GPATCH2: variants seen among roughly 807,000 people sequenced by gnomAD.
The protein encoded by GPATCH2 is G-patch domain containing 2.
GPATCH2 carries 51 observed loss-of-function variants against 58.0 expected under a neutral mutation model. That is an observed-to-expected ratio of 0.88 (90% CI 0.70 to 1.11). The LOEUF (loss-of-function observed/expected upper bound fraction) is 1.11, where lower values mean the gene tolerates loss of function less well. Ranked by LOEUF, GPATCH2 falls within the 50% of genes most tolerant of loss-of-function variation. The pLI, the probability that GPATCH2 is intolerant of heterozygous loss-of-function variation, is 0.00. For missense variants in GPATCH2, 625 were observed against 652.2 expected (o/e 0.96, Z 0.45); for synonymous variants, 222 against 218.5 (o/e 1.02, Z -0.14).
chr1:217,602,130 T>A (rs1018829075), intron 5 of GPATCH2, among the ~76,000 whole-genome samples: 6 of 152,266 alleles, frequency 3.9e-5, no homozygotes, highest in African/African-American at 1.4e-4. Context: ...GCCCATGTAA[T>A]CTTTTAAAAA....
chr1:217,483,042 T>C (rs549938859), intron 8 of GPATCH2, among the ~76,000 whole-genome samples: 77 of 152,356 alleles, frequency 5.1e-4, no homozygotes, highest in African/African-American at 1.8e-3. Flanking sequence ...GGTGACTGAA[T>C]TGCTTTCCAC....
rs764997524 is a variant in GPATCH2 at position 217,427,441 on chromosome 1, A to AT, written c.*3703dup. 2 of 152,164 alleles carry AT rather than the reference A, an allele frequency of 1.3e-5. No individual in the cohort carries two copies. Among genetic ancestry groups the AT allele is most frequent in the East Asian group, 1.9e-4 (1 of 5,200 alleles). The allele number at this position is 152,164 out of a possible 1,614,324, so 9.4% of individuals were successfully genotyped here. A position where few individuals can be genotyped will look rare whatever the true frequency, so the allele number is the denominator to read the frequency against. ...TGTCAATGGGTACTCATTTAAACCA[A>AT]TTTTTAAAGTACTTTCAACTTTTAA... is the stretch of plus-strand genomic sequence containing the variant. On this transcript the variant is annotated 3_prime_UTR_variant, in exon 10 of 10. Transcript: ENST00000366935.
At chr1:217,436,119 A>G (rs1030046644) in intron 9 of GPATCH2, among the ~76,000 whole-genome samples, 6 of 152,060 alleles carry the variant, frequency 3.9e-5, no homozygotes, top group South Asian at 2.1e-4. Flanking sequence ...TCTTATTAAC[A>G]TATGTTTTTA....
chr1:217,469,124 T>C (rs1660607017), intron 8 of GPATCH2, among the ~76,000 whole-genome samples: 1 of 152,158 alleles, frequency 6.6e-6, no homozygotes, highest in Non-Finnish European at 1.5e-5. Flanking sequence ...CCCTGGACTG[T>C]AACTTGATTT....
intron 4 of GPATCH2, 117 bp from the exon 5 acceptor site, chr1:217,610,517 G>T: frequency 1.5e-6 from 1 of 669,102 alleles, no homozygotes. Flanking sequence ...TGAATGCCAC[G>T]AATATTATTT....
chr1:217,502,268 A>C (rs747796582), intron 6 of GPATCH2, among the ~76,000 whole-genome samples: 1 of 152,042 alleles, frequency 6.6e-6, no homozygotes, highest in Non-Finnish European at 1.5e-5. Context: ...TCTTGCTGGG[A>C]TTTTGATAAG....
At chr1:217,520,970 G>C (rs1329166213) in intron 5 of GPATCH2, among the ~76,000 whole-genome samples, 1 of 152,108 alleles carries the variant, frequency 6.6e-6, no homozygotes, top group East Asian at 1.9e-4. Flanking sequence ...TCTGCTGCTG[G>C]AGCAGCTAGG....
At position 217,431,001 on chromosome 1, in the gene GPATCH2, G is replaced by A; in HGVS notation, c.*144C>T. The A allele has an allele frequency of 1.5e-6, 1 of 649,914 alleles. No homozygotes were observed. Among genetic ancestry groups the A allele is most frequent in the Non-Finnish European group, 2.8e-6 (1 of 359,836 alleles). The allele number at this position is 649,914 out of a possible 1,614,324, so 40.3% of individuals were successfully genotyped here. On this transcript the variant is annotated 3_prime_UTR_variant, in exon 10 of 10. Transcript: ENST00000366935. Reference sequence around the variant, plus strand: ...GATGAAATCCCATTTCTCTCACTATGGCAGGACTGTATGCAGTAAGGAAGC... The same window carrying A: ...GATGAAATCCCATTTCTCTCACTATAGCAGGACTGTATGCAGTAAGGAAGC...
intron 5 of GPATCH2, among the ~76,000 whole-genome samples, chr1:217,578,640 A>G (rs1666920071): frequency 6.6e-6 from 1 of 152,190 alleles, no homozygotes; most frequent in African/African-American, 2.4e-5. Context: ...TTACCCATTT[A>G]CAAACTGTGT....
chr1:217,583,164 GA>G (rs1439673061), intron 5 of GPATCH2, among the ~76,000 whole-genome samples: 1 of 152,142 alleles, frequency 6.6e-6, no homozygotes, highest in Non-Finnish European at 1.5e-5. Context: ...CAGAACCGAA[GA>G]TATTACCTGT....
intron 5 of GPATCH2, among the ~76,000 whole-genome samples, chr1:217,545,950 C>A (rs1665022859): frequency 6.6e-6 from 1 of 152,182 alleles, no homozygotes; most frequent in Non-Finnish European, 1.5e-5. Context: ...AAGTGTTAGA[C>A]AATGGGTAGG....
At chr1:217,583,347 G>T (rs890090274) in intron 5 of GPATCH2, among the ~76,000 whole-genome samples, 11 of 151,998 alleles carry the variant, frequency 7.2e-5, no homozygotes, top group African/African-American at 2.7e-4. Context: ...TGAGGTGGGT[G>T]GATCATGAGG....
chr1:217,609,883 T>TAAA, intron 5 of GPATCH2: 1 of 952,472 alleles, frequency 1.0e-6, no homozygotes, highest in Non-Finnish European at 1.3e-6. Flanking sequence ...GGATTCAATG[T>TAAA]AAAAAAAAAA....
At chr1:217,472,195 A>G (rs1455501794) in intron 8 of GPATCH2, among the ~76,000 whole-genome samples, 3 of 152,212 alleles carry the variant, frequency 2.0e-5, no homozygotes, top group Non-Finnish European at 4.4e-5. Flanking sequence ...ACAGCAATAA[A>G]GACTAATCAT....
intron 5 of GPATCH2, among the ~76,000 whole-genome samples, chr1:217,576,964 T>C (rs940206093): frequency 1.3e-5 from 2 of 152,320 alleles, no homozygotes; most frequent in South Asian, 4.1e-4. Flanking sequence ...TGCATAGTTT[T>C]TTAAAACTCT....
intron 6 of GPATCH2, among the ~76,000 whole-genome samples, chr1:217,504,974 G>A (rs1157211747): frequency 6.6e-6 from 1 of 152,218 alleles, no homozygotes; most frequent in Non-Finnish European, 1.5e-5. Flanking sequence ...TGCTCTGAAA[G>A]AGAATGGGTA....
intron 5 of GPATCH2, among the ~76,000 whole-genome samples, chr1:217,556,733 C>T (rs1414488853): frequency 1.3e-5 from 2 of 152,152 alleles, no homozygotes; most frequent in Non-Finnish European, 2.9e-5. Context: ...ACATTGTGGG[C>T]CATCACAAAT....
At chr1:217,542,356 C>A (rs1487264979) in intron 5 of GPATCH2, among the ~76,000 whole-genome samples, 4 of 152,236 alleles carry the variant, frequency 2.6e-5, no homozygotes, top group East Asian at 3.9e-4. Flanking sequence ...CCATTCACAG[C>A]ACCCCATGCT....
intron 5 of GPATCH2, among the ~76,000 whole-genome samples, chr1:217,596,020 CTT>C (rs1667810640): frequency 6.6e-6 from 1 of 151,810 alleles, no homozygotes; most frequent in African/African-American, 2.4e-5. Context: ...CAGTAAGGAC[CTT>C]TTAACATAAC....
Sources: gnomAD v4.1 joint callset for allele counts (sites outside exome capture counted in the v4.1 genomes callset) on GRCh38, gnomAD v4.1.1 for gene constraint, MANE v1.5 for transcripts, NCBI Gene and HGNC (gene_info 2026-07-23, HGNC 2026-07-21) for gene names.